SACS: variants seen among roughly 807,000 people sequenced by gnomAD.
SACS encodes the protein sacsin molecular chaperone, also known as sacsin.
Under a neutral mutation model 348.0 loss-of-function variants are expected in SACS, and 197 were observed. The ratio of observed to expected loss-of-function variants is 0.57; its 90% confidence interval spans 0.50 to 0.64. The LOEUF (loss-of-function observed/expected upper bound fraction) is 0.64. Ranked by LOEUF, SACS falls within the 30% of genes least tolerant of loss-of-function variation. The probability of loss-of-function intolerance (pLI) is 0.00; values close to 1 mark genes in which losing one functional copy is unlikely to be tolerated. For synonymous variants in SACS, 1,985 were observed against 1,910.6 expected, an observed-to-expected ratio of 1.04 and a Z score of -1.02; for missense variants, 4,999 against 5,360.8, an observed-to-expected ratio of 0.93 and a Z score of 2.11.
intron 9 of SACS, 105 bp downstream of exon 9, chr13:23,353,680 A>G (rs992215543): frequency 3.0e-6 from 2 of 674,314 alleles, no homozygotes; most frequent in Non-Finnish European, 5.2e-6. Context: ...AGCTTGAGCC[A>G]TAAGAAATTG....
chr13:23,398,548 A>G (rs1000409695), intron 2 of SACS, among the ~76,000 whole-genome samples: 41 of 151,782 alleles, frequency 2.7e-4, no homozygotes, highest in Admixed American at 2.6e-3. Flanking sequence ...AAAAAAAAAA[A>G]AAAGAAATAC....
intron 2 of SACS, among the ~76,000 whole-genome samples, chr13:23,385,488 T>C (rs1872252025): frequency 1.3e-5 from 2 of 151,856 alleles, no homozygotes; most frequent in Admixed American, 1.3e-4. Flanking sequence ...GCCTCCCAAG[T>C]AGCTGGGATT....
chr13:23,366,402 T>C (rs1354505534), intron 5 of SACS, among the ~76,000 whole-genome samples: 1 of 151,482 alleles, frequency 6.6e-6, no homozygotes, highest in Non-Finnish European at 1.5e-5. Flanking sequence ...TGCAGCCTCA[T>C]TATCAGCTAG....
rs1465995546 is a variant in SACS at position 23,333,611 on chromosome 13, C to A, written c.10265G>T (p.Ser3422Ile). 6.2e-7 allele frequency: 1 copy of A among 1,613,768 alleles called. No individual in the cohort carries two copies. Among genetic ancestry groups the A allele is most frequent in the East Asian group, 2.2e-5 (1 of 44,858 alleles). The change falls in exon 10 of 10, where the codon AGC (serine) becomes ATC (isoleucine). Residue 3422 changes from serine to isoleucine, a missense_variant. Physicochemically the swap from Ser to Ile is moderately radical, Grantham distance 142 (BLOSUM62 -2). Transcript: ENST00000382292. ...GTAGCATGTTCCAAATTTTCCAATG[C>A]TTACATAGCGGCCACTGATGGATTT... Reference protein sequence around the residue: ...CYKSISGRYVSIGKFGTCYVL... With the variant: ...CYKSISGRYVIIGKFGTCYVL...
chr13:23,381,355 G>GCGCACACACA (rs143375673), intron 2 of SACS, among the ~76,000 whole-genome samples: 58 of 140,070 alleles, frequency 4.1e-4, no homozygotes, highest in Admixed American at 1.3e-3. Flanking sequence ...GCAGCACGAA[G>GCGCACACACA]CACACACACA....
chr13:23,413,492 G>A (rs1254658617), intron 1 of SACS, among the ~76,000 whole-genome samples: 1 of 152,114 alleles, frequency 6.6e-6, no homozygotes, highest in Non-Finnish European at 1.5e-5. Context: ...CCAACCAGGA[G>A]GGGATGGACT....
At chr13:23,369,161 A>G (rs1871236121) in intron 4 of SACS, among the ~76,000 whole-genome samples, 1 of 152,242 alleles carries the variant, frequency 6.6e-6, no homozygotes, top group African/African-American at 2.4e-5. Context: ...TTGCCATTAA[A>G]TAACAAGCCA....
intron 1 of SACS, among the ~76,000 whole-genome samples, chr13:23,431,817 A>T (rs1874444452): frequency 6.6e-6 from 1 of 152,210 alleles, no homozygotes; most frequent in South Asian, 2.1e-4. Context: ...ACTGATCAGG[A>T]CTCATTCAGA....
At position 23,355,015 on chromosome 13, in the gene SACS, T is replaced by C. The variant is rs749274139; in HGVS notation, c.1597A>G (p.Lys533Glu). 1 of 1,614,244 alleles carries C rather than the reference T, an allele frequency of 6.2e-7. No individual in the cohort carries two copies. Among genetic ancestry groups the C allele is most frequent in the African/African-American group, 1.3e-5 (1 of 75,066 alleles). The stretch of plus-strand genomic sequence containing the variant: ...ACTTTGCTCGCCTCCGGCCAAAGCT[T>C]ATAGATAACATCAACTGACAAGGGG... The part of the protein sequence containing the change: ...DFPLSVDVIY[K>E]LWPEASKVKV... Residue 533 changes from lysine to glutamate, a missense_variant, in exon 8 of 10, where the codon AAG becomes GAG. Lys to Glu is a moderately conservative substitution (Grantham distance 56, BLOSUM62 1). Coordinates refer to ENST00000382292, the MANE Select transcript of SACS (RefSeq NM_014363.6).
At chr13:23,358,561 A>G in intron 6 of SACS, 80 bp from the exon 7 acceptor site, 2 of 1,477,670 alleles carry the variant, frequency 1.4e-6, no homozygotes, top group African/African-American at 1.4e-5. Context: ...CCTCTATACA[A>G]AATCTCTTAT....
intron 9 of SACS, among the ~76,000 whole-genome samples, chr13:23,342,116 G>C (rs1030234407): frequency 1.3e-5 from 2 of 152,026 alleles, no homozygotes; most frequent in African/African-American, 4.8e-5. Flanking sequence ...AGAGTTGGAA[G>C]TACATGTAAA....
At chr13:23,392,145 G>A (rs1212151660) in intron 2 of SACS, among the ~76,000 whole-genome samples, 1 of 152,164 alleles carries the variant, frequency 6.6e-6, no homozygotes, top group Non-Finnish European at 1.5e-5. Context: ...GCATCCTGTT[G>A]CCTTTTGATG....
chr13:23,332,844 G>C lies in SACS; in HGVS notation c.11032C>G (p.Pro3678Ala), dbSNP rs17078601. Residue 3678 changes from proline to alanine, a missense_variant, in exon 10 of 10, where the codon CCT (proline) becomes GCT (alanine). This residue lies in a region of SACS where 831 missense variants were observed against 941.8 expected (regional missense o/e 0.88). Transcript: ENST00000382292. ...PQYQEVNGTL[P>A]LIKFNGAQVN... ...TGTGCTCCATTGAACTTTATAAGAGGAAGTGTTCCATTTACCTCTTGATAT... is the reference window on the plus strand; with the variant it reads ...TGTGCTCCATTGAACTTTATAAGAGCAAGTGTTCCATTTACCTCTTGATAT... 45,639 of 1,613,774 alleles carry C rather than the reference G, an allele frequency of 0.028. 1,131 individuals carry two copies. The highest frequency in any genetic ancestry group is 0.12 in the East Asian group (5,574 of 44,872).
intron 1 of SACS, among the ~76,000 whole-genome samples, chr13:23,413,231 G>C (rs1468726020): frequency 1.3e-5 from 2 of 152,094 alleles, no homozygotes; most frequent in African/African-American, 4.8e-5. Context: ...GCCTGCCCTA[G>C]CCTCCCAAAG....
intron 2 of SACS, among the ~76,000 whole-genome samples, chr13:23,401,944 C>T (rs1257052962): frequency 1.3e-5 from 2 of 152,164 alleles, no homozygotes; most frequent in East Asian, 3.9e-4. Context: ...CTTTGGGAGG[C>T]CAAGTCAGGC....
intron 7 of SACS, among the ~76,000 whole-genome samples, chr13:23,356,285 G>C (rs1257765351): frequency 6.6e-6 from 1 of 152,190 alleles, no homozygotes; most frequent in Non-Finnish European, 1.5e-5. Flanking sequence ...CAAAAGATGG[G>C]CAGAGTATTT....
chr13:23,346,790 C>T, intron 9 of SACS: 1 of 979,524 alleles, frequency 1.0e-6, no homozygotes, highest in Non-Finnish European at 1.2e-6. Context: ...TTCAAATGAA[C>T]ACAACATTCA....
At chr13:23,395,793 C>G (rs1432064297) in intron 2 of SACS, among the ~76,000 whole-genome samples, 1 of 152,142 alleles carries the variant, frequency 6.6e-6, no homozygotes, top group African/African-American at 2.4e-5. Flanking sequence ...AAGATGAGAG[C>G]CAAGTATTTT....
chr13:23,404,889 A>C (rs534281404), intron 2 of SACS, among the ~76,000 whole-genome samples: 1 of 152,332 alleles, frequency 6.6e-6, no homozygotes, highest in African/African-American at 2.4e-5. Context: ...ACTACAAACC[A>C]CTGCTCAAGG....
Sources: allele counts gnomAD v4.1 joint callset (sites outside exome capture counted in the v4.1 genomes callset), GRCh38; gene constraint gnomAD v4.1.1; regional missense constraint gnomAD v4.1.1; transcripts MANE v1.5; gene names NCBI Gene and HGNC (gene_info 2026-07-23, HGNC 2026-07-21).